KCNQ1: variants seen among roughly 807,000 people sequenced by gnomAD.
KCNQ1 encodes the protein potassium voltage-gated channel subfamily Q member 1.
Under a neutral mutation model 72.4 loss-of-function variants are expected in KCNQ1, and 49 were observed. That is an observed-to-expected ratio of 0.68 (90% confidence interval 0.54 to 0.86). The LOEUF is 0.86. KCNQ1 is among the 40% of genes least tolerant of loss of function. The pLI, the probability that KCNQ1 is intolerant of heterozygous loss-of-function variation, is 0.00. For synonymous variants in KCNQ1, 450 were observed against 412.6 expected, an observed-to-expected ratio of 1.09 and a Z score of -1.10; for missense variants, 790 against 945.1, an observed-to-expected ratio of 0.84 and a Z score of 2.15.
At chr11:2,722,396 G>A (rs1845684010) in intron 11 of KCNQ1, among the ~76,000 whole-genome samples, 1 of 152,148 alleles carries the variant, frequency 6.6e-6, no homozygotes, top group Middle Eastern at 3.2e-3. Flanking sequence ...CTGGACCATG[G>A]GGGCTGCAGC....
rs183189644 is a variant in KCNQ1, at chr11:2,729,733, C to T, written c.1515-39111C>T. Among the ~76,000 whole-genome samples the T allele has an allele frequency of 5.9e-5, 9 of 152,216 alleles. No homozygotes were observed. In the East Asian group the frequency reaches 9.6e-4, roughly 16 times the overall value. Reference sequence around the variant, plus strand: ...ATGTCAGTATCACACCATTTCGTATCGGGGGCTTGAGTACCTGTGGATTTG... The same window carrying T: ...ATGTCAGTATCACACCATTTCGTATTGGGGGCTTGAGTACCTGTGGATTTG... On this transcript the variant is annotated intron_variant, in intron 11 of 15. Coordinates refer to ENST00000155840, the MANE Select transcript of KCNQ1 (RefSeq NM_000218.3).
At chr11:2,527,899 A>T in intron 1 of KCNQ1, 29 bp from the exon 2 acceptor site, 1 of 1,603,576 alleles carries the variant, frequency 6.2e-7, no homozygotes, top group Non-Finnish European at 8.5e-7. Flanking sequence ...AGAGGCCGTG[A>T]TGCTGACTGC....
In KCNQ1 at chr11:2,700,835, C is replaced by G. The variant is rs185212877; in HGVS notation, c.1514+38754C>G. Among the ~76,000 whole-genome samples the G allele has an allele frequency of 2.0e-4, 30 of 152,132 alleles. No individual in the cohort carries two copies. In the East Asian group the frequency reaches 5.9e-3, roughly 30 times the overall value. ...TCTGCCGGCCCCTCCCCTTGTCCGTCCCCTCCGCGCCGCTGGCGCGCGCCT... is the reference window on the plus strand; with the variant it reads ...TCTGCCGGCCCCTCCCCTTGTCCGTGCCCTCCGCGCCGCTGGCGCGCGCCT... On this transcript the variant is annotated intron_variant, in intron 11 of 15. Coordinates refer to ENST00000155840, the MANE Select transcript of KCNQ1 (RefSeq NM_000218.3).
intron 1 of KCNQ1, among the ~76,000 whole-genome samples, chr11:2,454,244 A>G (rs1846154498): frequency 2.6e-5 from 4 of 152,200 alleles, no homozygotes; most frequent in Non-Finnish European, 4.4e-5. Flanking sequence ...TGGCATATGG[A>G]ATCAAGATGC....
chr11:2,490,818 A>G (rs112638737), intron 1 of KCNQ1, among the ~76,000 whole-genome samples: 2,851 of 152,294 alleles, frequency 0.019, 94 homozygotes, highest in African/African-American at 0.066. Flanking sequence ...TCTCCTGAGT[A>G]GCTAGGATTA....
intron 2 of KCNQ1, among the ~76,000 whole-genome samples, chr11:2,551,331 C>T (rs1033149314): frequency 1.6e-4 from 24 of 152,208 alleles, no homozygotes; most frequent in African/African-American, 5.8e-4. Context: ...TTGCCTTTTC[C>T]AGAACGTCAT....
At chr11:2,641,023 C>T in intron 10 of KCNQ1, 1 of 398,462 alleles carries the variant, frequency 2.5e-6, no homozygotes, top group Non-Finnish European at 4.4e-6. Flanking sequence ...AATTAGTATT[C>T]CATTGTATAT....
intron 11 of KCNQ1, among the ~76,000 whole-genome samples, chr11:2,726,696 C>T (rs1163883951): frequency 6.6e-6 from 1 of 152,190 alleles, no homozygotes; most frequent in Non-Finnish European, 1.5e-5. Flanking sequence ...TATTTTTCTG[C>T]ATTGGCCTGA....
intron 10 of KCNQ1, among the ~76,000 whole-genome samples, chr11:2,594,573 C>T (rs1201475801): frequency 6.6e-6 from 1 of 152,164 alleles, no homozygotes; most frequent in Non-Finnish European, 1.5e-5. Flanking sequence ...CCTCAGCTGT[C>T]TCATAGATTT....
intron 11 of KCNQ1, among the ~76,000 whole-genome samples, chr11:2,749,838 T>A (rs1846198013): frequency 6.7e-6 from 1 of 148,656 alleles, no homozygotes; most frequent in Non-Finnish European, 1.5e-5. Flanking sequence ...ATTAGCTGGA[T>A]GTGGTGGTGG....
intron 15 of KCNQ1, among the ~76,000 whole-genome samples, chr11:2,833,854 G>C (rs1326524265): frequency 6.6e-6 from 1 of 152,230 alleles, no homozygotes; most frequent in Non-Finnish European, 1.5e-5. Context: ...GTTCCGACAG[G>C]CTGAGGAGCG....
chr11:2,744,148 A>T (rs945500445), intron 11 of KCNQ1, among the ~76,000 whole-genome samples: 1 of 152,274 alleles, frequency 6.6e-6, no homozygotes, highest in South Asian at 2.1e-4. Flanking sequence ...GAACTTAAAA[A>T]GTCAAACTTA....
At chr11:2,689,333 G>A (rs747385931) in intron 11 of KCNQ1, 46 of 398,522 alleles carry the variant, frequency 1.2e-4, no homozygotes, top group Middle Eastern at 6.2e-4. Context: ...GCCCCTATCC[G>A]CAGAGCTTGA....
intron 11 of KCNQ1, among the ~76,000 whole-genome samples, chr11:2,754,609 G>A (rs1406834998): frequency 6.6e-6 from 1 of 152,208 alleles, no homozygotes; most frequent in Non-Finnish European, 1.5e-5. Context: ...TGTGACCAAG[G>A]AGGTGTTGCA....
intron 1 of KCNQ1, among the ~76,000 whole-genome samples, chr11:2,453,877 T>C (rs558781619): frequency 6.6e-6 from 1 of 152,336 alleles, no homozygotes; most frequent in African/African-American, 2.4e-5. Flanking sequence ...TGTGGAATAT[T>C]ATGCAGCTGT....
Position 2,627,744 on chromosome 11 carries a change from C to T in KCNQ1, c.1394-34217C>T, listed in dbSNP as rs1589990320. The T allele has an allele frequency of 2.5e-6, 1 of 398,314 alleles. No homozygotes were observed. The highest frequency in any genetic ancestry group is 4.4e-6 in the Non-Finnish European group (1 of 226,006). The allele number at this position is 398,314 out of a possible 1,614,324, so 24.7% of individuals were successfully genotyped here. The stretch of plus-strand genomic sequence containing the variant: ...TTGGGAATTTGGTGATACACACACA[C>T]ACACTATTTTCTTCCTTTCTTTTTG... On this transcript the variant is annotated intron_variant, in intron 10 of 15. Transcript: ENST00000155840. The surrounding 1 kb of genome is among the most constrained non-coding windows in gnomAD (Gnocchi z 4.9).
At chr11:2,699,859 G>A (rs1001790327) in intron 11 of KCNQ1, 5 of 397,212 alleles carry the variant, frequency 1.3e-5, no homozygotes, top group African/African-American at 1.0e-4. Flanking sequence ...GGCGCACCGG[G>A]AGAATCGTGC....
At chr11:2,717,572 A>G (rs1032056699) in intron 11 of KCNQ1, among the ~76,000 whole-genome samples, 2 of 152,110 alleles carry the variant, frequency 1.3e-5, no homozygotes, top group East Asian at 1.9e-4. Flanking sequence ...GAGGGAGAGG[A>G]GCTCCGGGAG....
At position 2,818,997 on chromosome 11, in the gene KCNQ1, T is replaced by C. The variant is rs185772739; in HGVS notation, c.1795-28770T>C. Among the ~76,000 whole-genome samples, 22 of 152,300 alleles carry C rather than the reference T, an allele frequency of 1.4e-4. No homozygotes were observed. Among genetic ancestry groups the C allele is most frequent in the South Asian group, 6.2e-4 (3 of 4,806 alleles). ...CCACATCCTGCTCCCAGCTCCAGCC[T>C]GAAAGGAGCTAGTCCTCTCCAGCCC... On this transcript the variant is annotated intron_variant, in intron 15 of 15. Coordinates refer to ENST00000155840, the MANE Select transcript of KCNQ1 (RefSeq NM_000218.3). The surrounding 1 kb of genome is among the most constrained non-coding windows in gnomAD (Gnocchi z 7.2).
Sources: gnomAD v4.1 joint callset for allele counts (sites outside exome capture counted in the v4.1 genomes callset) on GRCh38, gnomAD v4.1.1 for gene constraint, Gnocchi (gnomAD v3.1) non-coding constraint, MANE v1.5 for transcripts, NCBI Gene and HGNC (gene_info 2026-07-23, HGNC 2026-07-21) for gene names.